PTPRO: variants seen among roughly 807,000 people sequenced by gnomAD.
PTPRO encodes the protein protein tyrosine phosphatase receptor type O, also known as receptor-type tyrosine-protein phosphatase O.
Under a neutral mutation model 145.2 loss-of-function variants are expected in PTPRO, and 62 were observed. The ratio of observed to expected loss-of-function variants is 0.43; its 90% CI spans 0.35 to 0.53. The LOEUF (loss-of-function observed/expected upper bound fraction) is 0.53, where lower values mean the gene tolerates loss of function less well. PTPRO is among the 20% of genes least tolerant of loss of function. The pLI is 0.01. For missense variants in PTPRO, 1,345 were observed against 1,482.7 expected, an observed-to-expected ratio of 0.91 and a Z score of 1.53; for synonymous variants, 565 against 514.7, an observed-to-expected ratio of 1.10 and a Z score of -1.32.
chr12:15,346,404 C>T (rs1483480913), intron 1 of PTPRO: 6 of 152,154 alleles, frequency 3.9e-5, no homozygotes, highest in Admixed American at 3.3e-4. Context: ...TGACAGTATA[C>T]CTGCATCATC....
At chr12:15,475,566 G>C (rs1393236159) in intron 1 of PTPRO, among the ~76,000 whole-genome samples, 1 of 152,108 alleles carries the variant, frequency 6.6e-6, no homozygotes, top group Non-Finnish European at 1.5e-5. Flanking sequence ...CAAAAATTCT[G>C]AGATTCCGAA....
At chr12:15,501,409 A>G (rs1461285970) in intron 4 of PTPRO, among the ~76,000 whole-genome samples, 6 of 152,208 alleles carry the variant, frequency 3.9e-5, no homozygotes, top group Non-Finnish European at 8.8e-5. Context: ...GACTAGTGGT[A>G]TGTTGATAGG....
chr12:15,408,693 G>A (rs1301243726), intron 1 of PTPRO, among the ~76,000 whole-genome samples: 1 of 152,178 alleles, frequency 6.6e-6, no homozygotes, highest in Non-Finnish European at 1.5e-5. Flanking sequence ...CTCCCAAAGT[G>A]CTGGGATTAC....
chr12:15,527,961 A>C (rs1351776884), intron 12 of PTPRO, among the ~76,000 whole-genome samples: 2 of 142,606 alleles, frequency 1.4e-5, no homozygotes, highest in African/African-American at 2.6e-5. Context: ...TCTCTGAACA[A>C]GAATTCAAAA....
intron 1 of PTPRO, among the ~76,000 whole-genome samples, chr12:15,397,963 T>C (rs1206487236): frequency 6.6e-6 from 1 of 152,188 alleles, no homozygotes; most frequent in African/African-American, 2.4e-5. Flanking sequence ...AGTTTGTAGT[T>C]ACCCTGAATA....
intron 1 of PTPRO, among the ~76,000 whole-genome samples, chr12:15,476,376 A>G (rs754041464): frequency 6.6e-5 from 10 of 152,068 alleles, no homozygotes; most frequent in Non-Finnish European, 1.3e-4. Flanking sequence ...TAAAAAATGC[A>G]TTGTTCATGT....
chr12:15,393,257 A>T (rs2136289311), intron 1 of PTPRO, among the ~76,000 whole-genome samples: 1 of 152,292 alleles, frequency 6.6e-6, no homozygotes, highest in African/African-American at 2.4e-5. Flanking sequence ...TCAGGCTCAA[A>T]TTTCTGATTC....
chr12:15,505,447 T>A lies in PTPRO; in HGVS notation c.1267+1378T>A, dbSNP rs569010196. Among the ~76,000 whole-genome samples the A allele has an allele frequency of 1.6e-4, 24 of 152,362 alleles. No individual in the cohort carries two copies. In the South Asian group the frequency reaches 4.6e-3, roughly 29 times the overall value. ...TGCACTCTGCTCTATTCTTAGAGTA[T>A]CTAAAGCGACTAGTGCCATTGAGAA... On this transcript the variant is annotated intron_variant, in intron 6 of 26. Coordinates refer to ENST00000281171, the MANE Select transcript of PTPRO (RefSeq NM_030667.3).
chr12:15,555,469 T>C (rs1235479357), intron 15 of PTPRO, among the ~76,000 whole-genome samples: 1 of 152,068 alleles, frequency 6.6e-6, no homozygotes, highest in African/African-American at 2.4e-5. Context: ...AGGGGAACAA[T>C]GTGTATGCAG....
chr12:15,463,506 C>A (rs1399468712), intron 1 of PTPRO, among the ~76,000 whole-genome samples: 1 of 152,010 alleles, frequency 6.6e-6, no homozygotes, highest in Non-Finnish European at 1.5e-5. Context: ...GATAAGGAAA[C>A]AATTGAGATA....
At chr12:15,374,279 T>C (rs952579565) in intron 1 of PTPRO, among the ~76,000 whole-genome samples, 2 of 152,206 alleles carry the variant, frequency 1.3e-5, no homozygotes, top group Non-Finnish European at 2.9e-5. Context: ...TTGAAACTTC[T>C]GAGACTTCAG....
intron 1 of PTPRO, among the ~76,000 whole-genome samples, chr12:15,364,444 G>A (rs1248452377): frequency 6.6e-6 from 1 of 152,044 alleles, no homozygotes; most frequent in Non-Finnish European, 1.5e-5. Flanking sequence ...GATTTTTGTG[G>A]TTTCCTAAAT....
intron 3 of PTPRO, among the ~76,000 whole-genome samples, chr12:15,497,972 A>G (rs1375687422): frequency 6.6e-6 from 1 of 151,752 alleles, no homozygotes; most frequent in Non-Finnish European, 1.5e-5. Context: ...AACAAAATCA[A>G]CTTCTCTGGG....
intron 1 of PTPRO, among the ~76,000 whole-genome samples, chr12:15,465,378 A>T (rs1941393527): frequency 6.6e-6 from 1 of 152,260 alleles, no homozygotes; most frequent in East Asian, 1.9e-4. Flanking sequence ...TTTTATGTGA[A>T]TAACCTGAAC....
chr12:15,347,336 G>A (rs1867256583), intron 1 of PTPRO, among the ~76,000 whole-genome samples: 1 of 152,162 alleles, frequency 6.6e-6, no homozygotes, highest in East Asian at 1.9e-4. Context: ...TTGAAGATAT[G>A]TCTATTATTA....
At position 15,580,577 on chromosome 12, in the gene PTPRO, T is replaced by C. The variant is rs926330747; in HGVS notation, c.2998-120T>C. ...AAAACAGGAGAAAACATTACATAGG[T>C]GTGTGATCCTTTGCCAATTTTATCA... is the stretch of plus-strand genomic sequence containing the variant. On this transcript the variant is annotated intron_variant, in intron 21 of 26. Transcript: ENST00000281171. 8.9e-6 allele frequency: 10 copies of C among 1,118,380 alleles called. No homozygotes were observed. In the South Asian group the frequency reaches 9.0e-5, roughly 10 times the overall value. The allele number at this position is 1,118,380 out of a possible 1,614,324, so 69.3% of individuals were successfully genotyped here.
intron 1 of PTPRO, among the ~76,000 whole-genome samples, chr12:15,389,880 T>A (rs568718388): frequency 1.3e-5 from 2 of 152,334 alleles, no homozygotes; most frequent in South Asian, 4.1e-4. Context: ...AGTCTCCAAA[T>A]GAAAGTTTCC....
chr12:15,458,170 A>G (rs528768993), intron 1 of PTPRO, among the ~76,000 whole-genome samples: 2 of 152,232 alleles, frequency 1.3e-5, no homozygotes, highest in East Asian at 3.9e-4. Context: ...AGCACTTTTA[A>G]TATATCATCC....
At chr12:15,551,402 G>A (rs551922092) in intron 14 of PTPRO, 149 bp from the exon 15 acceptor site, 1 of 1,012,238 alleles carries the variant, frequency 9.9e-7, no homozygotes, top group African/African-American at 1.6e-5. Context: ...CCAGGAAGAG[G>A]TCATTGCTGG....
Sources: allele counts gnomAD v4.1 joint callset (sites outside exome capture counted in the v4.1 genomes callset), GRCh38; gene constraint gnomAD v4.1.1; transcripts MANE v1.5; gene names NCBI Gene and HGNC (gene_info 2026-07-23, HGNC 2026-07-21).